PKNOX2: variants seen among roughly 807,000 people sequenced by gnomAD.
PKNOX2 encodes the protein homeobox protein PKNOX2.
A neutral mutation model predicts 53.1 loss-of-function variants in PKNOX2; 14 were observed. The ratio of observed to expected loss-of-function variants is 0.26; its 90% CI spans 0.17 to 0.41. The LOEUF (loss-of-function observed/expected upper bound fraction) is 0.41, where lower values mean the gene tolerates loss of function less well. Among genes scored for constraint, PKNOX2 ranks in the 10% least tolerant of loss-of-function variants. The probability of loss-of-function intolerance (pLI) is 1.00; values close to 1 mark genes in which losing one functional copy is unlikely to be tolerated. For missense variants in PKNOX2, 496 were observed against 602.8 expected, an observed-to-expected ratio of 0.82 and a Z score of 1.85; for synonymous variants, 257 against 242.8, an observed-to-expected ratio of 1.06 and a Z score of -0.54.
chr11:125,430,366 C>T (rs941756437), intron 12 of PKNOX2, among the ~76,000 whole-genome samples: 14 of 152,154 alleles, frequency 9.2e-5, no homozygotes, highest in African/African-American at 3.4e-4. Flanking sequence ...AGTTGGTGGT[C>T]ACGCAAGTCA....
At chr11:125,401,828 T>C (rs949774683) in intron 7 of PKNOX2, among the ~76,000 whole-genome samples, 2 of 152,064 alleles carry the variant, frequency 1.3e-5, no homozygotes, top group Non-Finnish European at 2.9e-5. Flanking sequence ...TTCGTCATGG[T>C]TCACCCTTAA....
intron 1 of PKNOX2, among the ~76,000 whole-genome samples, chr11:125,221,348 C>A (rs1353926584): frequency 6.6e-6 from 1 of 151,952 alleles, no homozygotes; most frequent in Non-Finnish European, 1.5e-5. Flanking sequence ...GAACTCTAGG[C>A]AAAATAAGCA....
chr11:125,342,747 G>A (rs112516040), intron 3 of PKNOX2, among the ~76,000 whole-genome samples: 10 of 151,560 alleles, frequency 6.6e-5, no homozygotes, highest in East Asian at 1.9e-4. Flanking sequence ...GTGTGCAGAC[G>A]AGAGAGCACA....
Position 125,385,680 on chromosome 11 carries a change from G to A in PKNOX2, c.357G>A (p.Glu119=), listed in dbSNP as rs1274897568. The part of the protein sequence containing the change: ...IENFVHQQEQ[E]HKPFFSDDPE... ...ACTTTGTCCACCAGCAGGAACAGGA[G>A]CACAAACCCTTCTTCAGCGATGACC... Residue 119 remains glutamate, a synonymous_variant, in exon 6 of 13, where the codon GAG becomes GAA. Coordinates refer to ENST00000298282, the MANE Select transcript of PKNOX2 (RefSeq NM_001382323.2). 22 of 1,613,652 alleles carry A rather than the reference G, an allele frequency of 1.4e-5. No individual in the cohort carries two copies. Among genetic ancestry groups the A allele is most frequent in the Non-Finnish European group, 1.9e-5 (22 of 1,179,898 alleles).
At chr11:125,322,993 G>A (rs1472321972) in intron 2 of PKNOX2, among the ~76,000 whole-genome samples, 2 of 152,154 alleles carry the variant, frequency 1.3e-5, no homozygotes, top group African/African-American at 4.8e-5. Context: ...TATTAACACT[G>A]GACCAAGGCA....
chr11:125,179,873 T>C (rs550109413), intron 1 of PKNOX2, among the ~76,000 whole-genome samples: 16 of 152,180 alleles, frequency 1.1e-4, no homozygotes, highest in Non-Finnish European at 2.4e-4. Flanking sequence ...GCATTAGGTA[T>C]TTTGCCCTCA....
intron 2 of PKNOX2, among the ~76,000 whole-genome samples, chr11:125,290,441 C>T (rs1947237019): frequency 1.3e-5 from 2 of 152,128 alleles, no homozygotes. Flanking sequence ...ACATCTGAAT[C>T]AGAGTACCTT....
rs376756531 is a variant in PKNOX2 at position 125,398,087 on chromosome 11, C to G, written c.588+25C>G. On this transcript the variant is annotated intron_variant, in intron 7 of 12. Transcript: ENST00000298282. Reference sequence around the variant, plus strand: ...GGTAACACCCAGAGCTGGGTCCCATCTCTTAAGCCAGGCTCCTAAGCCCAG... The same window carrying G: ...GGTAACACCCAGAGCTGGGTCCCATGTCTTAAGCCAGGCTCCTAAGCCCAG... 2.4e-5 allele frequency: 38 copies of G among 1,588,698 alleles called. No individual in the cohort carries two copies. The African/African-American group carries it at 4.7e-4, about 20-fold the overall frequency.
In PKNOX2 at chr11:125,213,927, C is replaced by T. The variant is rs532772481; in HGVS notation, c.-200-21118C>T. Among the ~76,000 whole-genome samples the T allele has an allele frequency of 4.9e-4, 75 of 152,156 alleles. 1 individual carries two copies. Among genetic ancestry groups the T allele is most frequent in the Admixed American group, 1.2e-3 (19 of 15,280 alleles). ...CCTGTGCCACCCCAACCTCAGTCCT[C>T]GCAGAAGGAGGGCCAGGGAGGGGTT... On this transcript the variant is annotated intron_variant, in intron 1 of 12. Transcript: ENST00000298282.
intron 5 of PKNOX2, among the ~76,000 whole-genome samples, chr11:125,379,207 C>T (rs183011988): frequency 2.6e-5 from 4 of 151,852 alleles, no homozygotes; most frequent in African/African-American, 4.8e-5. Flanking sequence ...ATTAAAGGCA[C>T]GTGCCACCAT....
At chr11:125,206,484 G>A (rs623432) in intron 1 of PKNOX2, among the ~76,000 whole-genome samples, 71,257 of 151,844 alleles carry the variant, frequency 0.47, 17,440 homozygotes, top group Middle Eastern at 0.55. Context: ...AAAGCAGGCA[G>A]GGCCAGGTCA....
At chr11:125,385,851 A>G in intron 6 of PKNOX2, 129 bp downstream of exon 6, 1 of 1,092,556 alleles carries the variant, frequency 9.2e-7, no homozygotes, top group African/African-American at 1.6e-5. Flanking sequence ...TGAGTCATGC[A>G]CTAGATGCAC....
chr11:125,284,301 G>C (rs952184080), intron 2 of PKNOX2, among the ~76,000 whole-genome samples: 1 of 152,198 alleles, frequency 6.6e-6, no homozygotes, highest in African/African-American at 2.4e-5. Flanking sequence ...CTGCCTCTGG[G>C]AGCCCTTCCC....
chr11:125,309,543 C>A (rs772430789), intron 2 of PKNOX2, among the ~76,000 whole-genome samples: 1 of 152,054 alleles, frequency 6.6e-6, no homozygotes, highest in African/African-American at 2.4e-5. Context: ...CCGGCCACCA[C>A]GCCCGGGTAA....
intron 6 of PKNOX2, among the ~76,000 whole-genome samples, chr11:125,391,867 G>A (rs531662051): frequency 2.0e-5 from 3 of 152,338 alleles, no homozygotes; most frequent in East Asian, 1.9e-4. Context: ...ATTTGGCGGT[G>A]ATGTTGAATT....
chr11:125,255,813 C>T (rs557814454), intron 2 of PKNOX2, among the ~76,000 whole-genome samples: 19 of 151,958 alleles, frequency 1.3e-4, no homozygotes, highest in African/African-American at 4.6e-4. Flanking sequence ...ACCAACACAC[C>T]AGAGTCTCCC....
chr11:125,426,378 C>CT (rs888915285), intron 10 of PKNOX2, among the ~76,000 whole-genome samples: 2 of 152,194 alleles, frequency 1.3e-5, no homozygotes, highest in African/African-American at 4.8e-5. Context: ...CTTTTTCCTC[C>CT]TTTTTTTCTT....
At chr11:125,302,723 G>A (rs1948159393) in intron 2 of PKNOX2, among the ~76,000 whole-genome samples, 1 of 152,220 alleles carries the variant, frequency 6.6e-6, no homozygotes, top group Non-Finnish European at 1.5e-5. Flanking sequence ...CCTGCCGCCA[G>A]CCCTGAGCAC....
intron 1 of PKNOX2, among the ~76,000 whole-genome samples, chr11:125,206,203 C>G (rs1045373464): frequency 6.6e-6 from 1 of 151,860 alleles, no homozygotes; most frequent in Non-Finnish European, 1.5e-5. Context: ...GGGGGAGAAC[C>G]GAGAAGGAAA....
Sources: gnomAD v4.1 joint callset for allele counts (sites outside exome capture counted in the v4.1 genomes callset) on GRCh38, gnomAD v4.1.1 for gene constraint, MANE v1.5 for transcripts, NCBI Gene and HGNC (gene_info 2026-07-23, HGNC 2026-07-21) for gene names.